CDON: variants seen among roughly 807,000 people sequenced by gnomAD.
CDON encodes the protein cell adhesion molecule-related/down-regulated by oncogenes.
CDON carries 73 observed loss-of-function variants against 120.9 expected under a neutral mutation model. The ratio of observed to expected loss-of-function variants is 0.60; its 90% confidence interval spans 0.50 to 0.73. CDON has a LOEUF of 0.73. Ranked by LOEUF, CDON falls within the 30% of genes least tolerant of loss-of-function variation. The pLI, the probability that CDON is intolerant of heterozygous loss-of-function variation, is 0.00. For missense variants in CDON, 1,470 were observed against 1,587.3 expected, an observed-to-expected ratio of 0.93 and a Z score of 1.26; for synonymous variants, 566 against 573.5, an observed-to-expected ratio of 0.99 and a Z score of 0.19.
At chr11:126,004,915 T>C (rs934603292) in intron 9 of CDON, among the ~76,000 whole-genome samples, 1 of 152,094 alleles carries the variant, frequency 6.6e-6, no homozygotes, top group African/African-American at 2.4e-5. Flanking sequence ...CACAAGCCCA[T>C]GGGGAAAATG....
chr11:126,026,586 A>G (rs1194691502), intron 1 of CDON, among the ~76,000 whole-genome samples: 1 of 152,218 alleles, frequency 6.6e-6, no homozygotes, highest in African/African-American at 2.4e-5. Flanking sequence ...CAAGTACTCT[A>G]AAATCTAAAA....
At chr11:126,005,705 T>A in intron 9 of CDON, 54 bp downstream of exon 9, 1 of 1,521,992 alleles carries the variant, frequency 6.6e-7, no homozygotes, top group Non-Finnish European at 9.1e-7. Context: ...GTATATGTTA[T>A]ACAAAGAACG....
intron 1 of CDON, among the ~76,000 whole-genome samples, chr11:126,060,556 G>GAAA (rs3037714): frequency 3.4e-4 from 51 of 148,946 alleles, no homozygotes; most frequent in African/African-American, 6.1e-4. Context: ...AACGTTCGTG[G>GAAA]AAAAAAAAAA....
chr11:126,061,546 G>A (rs1169478051), intron 1 of CDON, among the ~76,000 whole-genome samples: 3 of 152,160 alleles, frequency 2.0e-5, no homozygotes, highest in African/African-American at 7.2e-5. Context: ...CCTCTCCTTG[G>A]AGACACTGTC....
chr11:126,049,304 G>A (rs1366360724), intron 1 of CDON, among the ~76,000 whole-genome samples: 1 of 152,124 alleles, frequency 6.6e-6, no homozygotes, highest in Non-Finnish European at 1.5e-5. Flanking sequence ...TATGAGCTCT[G>A]TCAACCTTAA....
rs530870129 is a variant in CDON at position 126,056,516 on chromosome 11, G to T, written c.-62+6063C>A. Reference sequence around the variant, plus strand: ...TACAATGTCTCCTGAGAGAAAAATGGCTAGTGTTCAAGCAGAACACCCACA... The same window carrying T: ...TACAATGTCTCCTGAGAGAAAAATGTCTAGTGTTCAAGCAGAACACCCACA... On this transcript the variant is annotated intron_variant, in intron 1 of 19. Coordinates refer to ENST00000531738, the MANE Select transcript of CDON (RefSeq NM_001378964.1). Among the ~76,000 whole-genome samples the T allele has an allele frequency of 3.3e-5, 5 of 152,254 alleles. No homozygotes were observed. The East Asian group carries it at 9.6e-4, about 29-fold the overall frequency.
chr11:126,017,403 A>G (rs979761653), intron 5 of CDON, 28 bp from the exon 6 acceptor site: 1 of 1,608,766 alleles, frequency 6.2e-7, no homozygotes, highest in African/African-American at 1.3e-5. Context: ...ATGAGAGATT[A>G]TTAGTAAGTC....
chr11:125,970,512 C>T (rs1945949574), intron 18 of CDON, among the ~76,000 whole-genome samples: 1 of 152,034 alleles, frequency 6.6e-6, no homozygotes, highest in African/African-American at 2.4e-5. Context: ...CTGCTGTTTC[C>T]ACTAGTCACT....
chr11:126,031,577 C>T (rs926306977), intron 1 of CDON, among the ~76,000 whole-genome samples: 2 of 152,152 alleles, frequency 1.3e-5, no homozygotes, highest in Non-Finnish European at 2.9e-5. Context: ...CAGATGCCAA[C>T]TGAGGGGGAG....
intron 18 of CDON, among the ~76,000 whole-genome samples, chr11:125,971,879 C>G (rs148641289): frequency 1.6e-4 from 24 of 152,336 alleles, no homozygotes; most frequent in African/African-American, 5.3e-4. Flanking sequence ...ATTAAACTAG[C>G]CAAGCAACTG....
intron 7 of CDON, 129 bp downstream of exon 7, chr11:126,015,112 A>G (rs779489271): frequency 2.2e-6 from 2 of 893,764 alleles, no homozygotes; most frequent in Admixed American, 3.8e-5. Context: ...AGGACCATGG[A>G]AAATGAACAC....
intron 19 of CDON, chr11:125,961,504 T>G (rs1945642567): frequency 1.6e-6 from 1 of 619,600 alleles, no homozygotes; most frequent in Non-Finnish European, 2.8e-6. Flanking sequence ...GTGATGGGAT[T>G]GACAGCCTGA....
At chr11:125,978,430 T>C (rs1946204576) in intron 17 of CDON, 47 bp from the exon 18 acceptor site, 2 of 1,230,874 alleles carry the variant, frequency 1.6e-6, no homozygotes, top group Non-Finnish European at 2.4e-6. Flanking sequence ...GAAGGAATGC[T>C]GAAGGTACTC....
At chr11:125,998,661 C>G (rs961087762) in intron 11 of CDON, among the ~76,000 whole-genome samples, 1 of 152,208 alleles carries the variant, frequency 6.6e-6, no homozygotes, top group African/African-American at 2.4e-5. Flanking sequence ...GTGGTTGTAA[C>G]TGGCTTCCCA....
intron 1 of CDON, among the ~76,000 whole-genome samples, chr11:126,048,207 T>C (rs971933958): frequency 6.8e-6 from 1 of 147,778 alleles, no homozygotes; most frequent in African/African-American, 2.5e-5. Flanking sequence ...GCTTGAGCCC[T>C]GGGAGGTGGA....
Position 125,970,063 on chromosome 11 carries a change from T to C in CDON, c.3357-8065A>G, listed in dbSNP as rs1945922817. 3.3e-5 allele frequency among the ~76,000 whole-genome samples: 5 copies of C among 152,282 alleles called. 1 individual carries two copies. In the South Asian group the frequency reaches 1.0e-3, roughly 32 times the overall value. ...TTTGCATTAAGTTTCCTCTTTTGAT[T>C]ATGCCTAGAGGGAAAGAACTATCCG... On this transcript the variant is annotated intron_variant, in intron 18 of 19. Coordinates refer to ENST00000531738, the MANE Select transcript of CDON (RefSeq NM_001378964.1).
rs767491457 is a variant in CDON, at chr11:126,005,863, G to A, written c.1747C>T (p.Leu583=). 1.2e-6 allele frequency: 2 copies of A among 1,614,096 alleles called. No individual in the cohort carries two copies. Residue 583 remains leucine (L), a synonymous_variant, in exon 9 of 20, where the codon CTG becomes TTG. Coordinates refer to ENST00000531738, the MANE Select transcript of CDON (RefSeq NM_001378964.1). ...GGTGTGTGGGTCTGTGGGGGGCTCA[G>A]TATGATGGGGGCATCAGGAACAGAG... ...GISVPDAPII[L]SPPQTHTPDT...
At chr11:126,029,568 A>G (rs1947893420) in intron 1 of CDON, among the ~76,000 whole-genome samples, 1 of 151,914 alleles carries the variant, frequency 6.6e-6, no homozygotes, top group Non-Finnish European at 1.5e-5. Context: ...ATATATATAT[A>G]TATGTATCTC....
intron 1 of CDON, among the ~76,000 whole-genome samples, chr11:126,041,925 C>A (rs1375404740): frequency 1.3e-5 from 2 of 152,162 alleles, no homozygotes; most frequent in Non-Finnish European, 2.9e-5. Context: ...GCTCTTGTTG[C>A]CCAGGCTGGA....
Sources: allele counts gnomAD v4.1 joint callset (sites outside exome capture counted in the v4.1 genomes callset), GRCh38; gene constraint gnomAD v4.1.1; transcripts MANE v1.5; gene names NCBI Gene and HGNC (gene_info 2026-07-23, HGNC 2026-07-21).